CNTN4: variants seen among roughly 807,000 people sequenced by gnomAD.
The protein encoded by CNTN4 is contactin-4.
A neutral mutation model predicts 122.5 loss-of-function variants in CNTN4; 77 were observed. The ratio of observed to expected loss-of-function variants is 0.63; its 90% CI spans 0.52 to 0.76. CNTN4 has a LOEUF of 0.76. CNTN4 is among the 30% of genes least tolerant of loss of function. CNTN4 has a pLI of 0.00. For missense variants in CNTN4, 1,256 were observed against 1,259.1 expected (o/e 1.00, Z 0.04); for synonymous variants, 512 against 447.0 (o/e 1.15, Z -1.83).
chr3:2,950,370 T>G (rs1358229410), intron 13 of CNTN4, among the ~76,000 whole-genome samples: 1 of 152,176 alleles, frequency 6.6e-6, no homozygotes, highest in Non-Finnish European at 1.5e-5. Context: ...CTGAAGGAGA[T>G]TTGGACAATG....
intron 2 of CNTN4, among the ~76,000 whole-genome samples, chr3:2,245,761 CAT>C (rs1019699199): frequency 1.3e-5 from 2 of 151,940 alleles, no homozygotes; most frequent in Non-Finnish European, 1.5e-5. Context: ...TCATTGGTCA[CAT>C]GTTATGAAAA....
chr3:2,925,600 T>C, intron 12 of CNTN4, 29 bp from the exon 13 acceptor site: 1 of 1,606,114 alleles, frequency 6.2e-7, no homozygotes, highest in Non-Finnish European at 8.5e-7. Context: ...CTGTCTTGCA[T>C]AATAATTATT....
intron 3 of CNTN4, among the ~76,000 whole-genome samples, chr3:2,521,725 T>C (rs922055876): frequency 3.3e-5 from 5 of 152,124 alleles, no homozygotes; most frequent in South Asian, 2.1e-4. Flanking sequence ...CCCAAGTCTA[T>C]TGACTTTTCT....
At chr3:2,671,390 G>A (rs1333642342) in intron 4 of CNTN4, among the ~76,000 whole-genome samples, 1 of 152,102 alleles carries the variant, frequency 6.6e-6, no homozygotes, top group Non-Finnish European at 1.5e-5. Context: ...ATCGGCTACT[G>A]AAGCTTGTGC....
chr3:2,166,630 T>C (rs1559303628), intron 2 of CNTN4, among the ~76,000 whole-genome samples: 1 of 152,174 alleles, frequency 6.6e-6, no homozygotes, highest in African/African-American at 2.4e-5. Flanking sequence ...CATTTTTGTC[T>C]GAAAGTAAAT....
chr3:2,466,728 T>G (rs1317417098), intron 3 of CNTN4, among the ~76,000 whole-genome samples: 2 of 152,174 alleles, frequency 1.3e-5, no homozygotes, highest in Non-Finnish European at 1.5e-5. Context: ...ATATATATTC[T>G]ATTTCAAATT....
chr3:2,916,953 C>T (rs1346345974), intron 12 of CNTN4, among the ~76,000 whole-genome samples: 2 of 143,572 alleles, frequency 1.4e-5, no homozygotes, highest in Non-Finnish European at 3.0e-5. Flanking sequence ...AGGCAGGCGG[C>T]TGGGAGGTGG....
intron 2 of CNTN4, among the ~76,000 whole-genome samples, chr3:2,170,928 C>T (rs1177004455): frequency 1.3e-5 from 2 of 152,066 alleles, no homozygotes; most frequent in Non-Finnish European, 2.9e-5. Context: ...ATACTTAGAT[C>T]AATACCACTT....
intron 2 of CNTN4, among the ~76,000 whole-genome samples, chr3:2,305,013 A>G (rs1269811321): frequency 6.6e-6 from 1 of 152,016 alleles, no homozygotes; most frequent in African/African-American, 2.4e-5. Flanking sequence ...GGTGTTAAAA[A>G]GTGATTTTTC....
intron 2 of CNTN4, among the ~76,000 whole-genome samples, chr3:2,202,152 T>A (rs1034610352): frequency 3.9e-5 from 6 of 152,270 alleles, no homozygotes; most frequent in East Asian, 1.9e-4. Flanking sequence ...AGAATTGCTG[T>A]TTCTACCTCT....
chr3:2,313,267 A>G (rs1270022207), intron 2 of CNTN4, among the ~76,000 whole-genome samples: 1 of 152,002 alleles, frequency 6.6e-6, no homozygotes, highest in Non-Finnish European at 1.5e-5. Flanking sequence ...AGAAGGGGTT[A>G]TATCAATACT....
intron 14 of CNTN4, among the ~76,000 whole-genome samples, chr3:3,007,470 AG>A (rs1696772424): frequency 6.6e-6 from 1 of 152,254 alleles, no homozygotes; most frequent in Non-Finnish European, 1.5e-5. Flanking sequence ...AGCCTACAAA[AG>A]GTGTCACCTG....
chr3:2,797,001 A>G (rs1314349779), intron 6 of CNTN4, among the ~76,000 whole-genome samples: 3 of 151,800 alleles, frequency 2.0e-5, no homozygotes, highest in Non-Finnish European at 4.4e-5. Context: ...ATGTTTTGTT[A>G]TTGTTGTTGT....
At chr3:2,951,520 C>G (rs758740814) in intron 13 of CNTN4, among the ~76,000 whole-genome samples, 28 of 152,184 alleles carry the variant, frequency 1.8e-4, no homozygotes, top group Non-Finnish European at 3.8e-4. Flanking sequence ...TGTCTGCAGC[C>G]TGGGGGTTGG....
chr3:2,866,592 C>A, intron 7 of CNTN4, 160 bp from the exon 8 acceptor site: 1 of 1,126,824 alleles, frequency 8.9e-7, no homozygotes, highest in Non-Finnish European at 1.3e-6. Flanking sequence ...TGGTAAAATG[C>A]CACGGGGGAC....
At chr3:2,482,105 C>T (rs1052104696) in intron 3 of CNTN4, among the ~76,000 whole-genome samples, 3 of 152,096 alleles carry the variant, frequency 2.0e-5, no homozygotes, top group Non-Finnish European at 2.9e-5. Flanking sequence ...GCTCAGAAGA[C>T]AGGAAGATAC....
intron 2 of CNTN4, among the ~76,000 whole-genome samples, chr3:2,328,184 T>C (rs1445200344): frequency 1.3e-5 from 2 of 152,108 alleles, no homozygotes; most frequent in African/African-American, 4.8e-5. Flanking sequence ...GGCGGGCGGA[T>C]CACGGGGTCA....
At chr3:2,708,751 A>G (rs1044813853) in intron 4 of CNTN4, among the ~76,000 whole-genome samples, 1 of 70,558 alleles carries the variant, frequency 1.4e-5, no homozygotes, top group Non-Finnish European at 3.4e-5. Flanking sequence ...ACACACACAC[A>G]CACACACACA....
chr3:2,313,969 C>T (rs1286981209), intron 2 of CNTN4, among the ~76,000 whole-genome samples: 1 of 151,798 alleles, frequency 6.6e-6, no homozygotes, highest in Non-Finnish European at 1.5e-5. Context: ...TATGATTATG[C>T]CCTTATTTAT....
Sources: allele counts gnomAD v4.1 joint callset (sites outside exome capture counted in the v4.1 genomes callset), GRCh38; gene constraint gnomAD v4.1.1; transcripts MANE v1.5; gene names NCBI Gene and HGNC (gene_info 2026-07-23, HGNC 2026-07-21).